Variants in SLC2A9 observed in about 807,000 individuals in gnomAD.
The protein encoded by SLC2A9 is solute carrier family 2, facilitated glucose transporter member 9.
SLC2A9 carries 39 observed loss-of-function variants against 50.6 expected under a neutral mutation model. The observed-to-expected ratio is 0.77, with a 90% CI of 0.60 to 1.01. The LOEUF (loss-of-function observed/expected upper bound fraction) is 1.01. SLC2A9 is among the 50% of genes least tolerant of loss of function. SLC2A9 has a pLI of 0.00. For synonymous variants in SLC2A9, 324 were observed against 276.9 expected (o/e 1.17, Z -1.69); for missense variants, 686 against 677.6 (o/e 1.01, Z -0.14).
At chr4:9,925,394 C>T (rs1001798925) in intron 6 of SLC2A9, among the ~76,000 whole-genome samples, 4 of 152,202 alleles carry the variant, frequency 2.6e-5, no homozygotes, top group African/African-American at 9.7e-5. Context: ...GCTGTGCCCA[C>T]CCCTGGGAGC....
At chr4:9,795,978 C>T (rs1720551224), downstream of SLC2A9, among the ~76,000 whole-genome samples, 1 of 152,186 alleles carries the variant, frequency 6.6e-6, no homozygotes, top group Non-Finnish European at 1.5e-5. Context: ...GTTGTAGGTA[C>T]AAGTAATAGT....
intron 10 of SLC2A9, among the ~76,000 whole-genome samples, chr4:9,852,242 G>C (rs1004550930): frequency 2.3e-5 from 3 of 129,376 alleles, no homozygotes; most frequent in Non-Finnish European, 4.9e-5. Context: ...CCTATATCCA[G>C]TATTCTTTTT....
intron 5 of SLC2A9, among the ~76,000 whole-genome samples, chr4:9,962,363 T>C (rs892196517): frequency 2.6e-5 from 4 of 152,194 alleles, no homozygotes; most frequent in Non-Finnish European, 4.4e-5. Context: ...GTGGTACATA[T>C]ATACTATGGA....
chr4:9,873,219 G>C (rs1003767087), intron 10 of SLC2A9, among the ~76,000 whole-genome samples: 4 of 152,108 alleles, frequency 2.6e-5, no homozygotes, highest in Non-Finnish European at 4.4e-5. Flanking sequence ...GCATGTGAGT[G>C]TGTGTGTTTG....
At chr4:9,777,321 A>C (rs1157401707), downstream of SLC2A9, among the ~76,000 whole-genome samples, 1 of 147,670 alleles carries the variant, frequency 6.8e-6, no homozygotes, top group Non-Finnish European at 1.5e-5. Context: ...TTTAGATGGA[A>C]TCTCCCTCTG....
intron 10 of SLC2A9, among the ~76,000 whole-genome samples, chr4:9,847,191 A>G (rs1184085723): frequency 2.0e-5 from 3 of 152,254 alleles, no homozygotes; most frequent in African/African-American, 4.8e-5. Context: ...TTTATGAAGA[A>G]AAGAGGCTTA....
chr4:9,970,803 C>T (rs185434452), intron 5 of SLC2A9, among the ~76,000 whole-genome samples: 204 of 152,302 alleles, frequency 1.3e-3, no homozygotes, highest in African/African-American at 4.7e-3. Context: ...CAGCGCCAGG[C>T]GCCAGACCCA....
At chr4:9,811,335 C>T (rs1053940629) in intron 3 of SLC2A9, among the ~76,000 whole-genome samples, 4 of 152,206 alleles carry the variant, frequency 2.6e-5, no homozygotes, top group Non-Finnish European at 5.9e-5. Context: ...GGGCTGGTCC[C>T]ATGACTTGGT....
intron 3 of SLC2A9, among the ~76,000 whole-genome samples, chr4:9,788,816 C>T (rs1719545001): frequency 6.6e-6 from 1 of 152,082 alleles, no homozygotes; most frequent in African/African-American, 2.4e-5. Context: ...TAGTTTTTTA[C>T]TTTTCAACAC....
At chr4:9,943,079 C>T (rs949141214) in intron 5 of SLC2A9, among the ~76,000 whole-genome samples, 1 of 152,166 alleles carries the variant, frequency 6.6e-6, no homozygotes, top group Non-Finnish European at 1.5e-5. Context: ...GACAGCCTCC[C>T]CACCTCTCCC....
intron 8 of SLC2A9, among the ~76,000 whole-genome samples, chr4:9,898,544 T>C (rs187020214): frequency 3.7e-4 from 56 of 152,380 alleles, no homozygotes; most frequent in African/African-American, 1.3e-3. Context: ...AGTTCCTGAC[T>C]TTCTCAGGGA....
At chr4:9,852,474 G>A (rs560643918) in intron 10 of SLC2A9, among the ~76,000 whole-genome samples, 11 of 151,528 alleles carry the variant, frequency 7.3e-5, no homozygotes, top group South Asian at 4.2e-4. Flanking sequence ...GGATGGTCTC[G>A]ATCTCCTGAC....
chr4:9,980,660 T>TCACCTGC lies in SLC2A9; in HGVS notation c.606_612dup (p.Thr205AlafsTer77), dbSNP rs1205151481. On this transcript the variant is annotated frameshift_variant, in exon 5 of 12. Coordinates refer to ENST00000264784, the MANE Select transcript of SLC2A9 (RefSeq NM_020041.3). LOFTEE classifies it high-confidence loss of function. ...ACGCCAATGCAGATAAAGATGGCAG[T>TCACCTGC]CACCTGCCCCAGAGAGCCACGGATC... 6.2e-7 allele frequency: 1 copy of TCACCTGC among 1,614,154 alleles called. No individual in the cohort carries two copies. Among genetic ancestry groups the TCACCTGC allele is most frequent in the East Asian group, 2.2e-5 (1 of 44,866 alleles).
At chr4:9,909,930 CTT>C (rs911892467) in intron 7 of SLC2A9, among the ~76,000 whole-genome samples, 5 of 152,184 alleles carry the variant, frequency 3.3e-5, no homozygotes, top group Non-Finnish European at 5.9e-5. Flanking sequence ...GCATTTTGCT[CTT>C]TGTTTCTGGA....
At chr4:9,958,155 A>G (rs1226120697) in intron 5 of SLC2A9, among the ~76,000 whole-genome samples, 3 of 152,238 alleles carry the variant, frequency 2.0e-5, no homozygotes, top group Non-Finnish European at 2.9e-5. Context: ...ATATTCATAC[A>G]AGAGTTCTAT....
intron 10 of SLC2A9, among the ~76,000 whole-genome samples, chr4:9,861,198 G>A (rs564801917): frequency 3.3e-5 from 5 of 152,246 alleles, no homozygotes; most frequent in Admixed American, 1.3e-4. Context: ...CAGCTTCTGC[G>A]GAGGTCTCAG....
chr4:9,805,705 T>G (rs1187480494), intron 3 of SLC2A9, among the ~76,000 whole-genome samples: 7 of 104,924 alleles, frequency 6.7e-5, no homozygotes, highest in Non-Finnish European at 1.0e-4. Context: ...TTTTTTTTTT[T>G]GTCTCAAAAA....
intron 9 of SLC2A9, among the ~76,000 whole-genome samples, chr4:9,889,183 G>A (rs770703555): frequency 1.7e-4 from 26 of 149,286 alleles, no homozygotes; most frequent in Non-Finnish European, 3.0e-4. Flanking sequence ...TGCAGGAAGA[G>A]GTGTCCAGGA....
chr4:9,884,820 C>G (rs1301715932), intron 10 of SLC2A9, among the ~76,000 whole-genome samples: 1 of 151,988 alleles, frequency 6.6e-6, no homozygotes, highest in Non-Finnish European at 1.5e-5. Flanking sequence ...ACATATGTAC[C>G]ACGGAATACT....
Sources: allele counts gnomAD v4.1 joint callset (sites outside exome capture counted in the v4.1 genomes callset), GRCh38; gene constraint gnomAD v4.1.1; transcripts MANE v1.5; gene names NCBI Gene and HGNC (gene_info 2026-07-23, HGNC 2026-07-21).